Variants in KIAA2012 observed in about 807,000 individuals in gnomAD.
KIAA2012 encodes the protein KIAA2012.
Under a neutral mutation model 150.6 loss-of-function variants are expected in KIAA2012, and 125 were observed. The observed-to-expected ratio is 0.83, with a 90% CI of 0.72 to 0.96. The LOEUF is 0.96. Among genes scored for constraint, KIAA2012 ranks in the 40% least tolerant of loss-of-function variants. The probability of loss-of-function intolerance (pLI) is 0.00; values close to 1 mark genes in which losing one functional copy is unlikely to be tolerated. For synonymous variants in KIAA2012, 462 were observed against 504.7 expected (o/e 0.92, Z 1.13); for missense variants, 1,219 against 1,354.9 (o/e 0.90, Z 1.57).
intron 6 of KIAA2012, 145 bp downstream of exon 6, chr2:202,099,941 T>C: frequency 1.3e-6 from 1 of 775,876 alleles, no homozygotes; most frequent in Non-Finnish European, 2.0e-6. Flanking sequence ...GACGTGGGAA[T>C]GAGACTCTGG....
intron 12 of KIAA2012, among the ~76,000 whole-genome samples, chr2:202,131,221 C>G (rs904281544): frequency 6.6e-6 from 1 of 152,170 alleles, no homozygotes; most frequent in Non-Finnish European, 1.5e-5. Flanking sequence ...CTCACTGCAA[C>G]CTCTGTCTCC....
intron 12 of KIAA2012, among the ~76,000 whole-genome samples, chr2:202,131,726 C>G (rs1016789135): frequency 2.0e-5 from 3 of 152,192 alleles, no homozygotes; most frequent in African/African-American, 7.2e-5. Context: ...AAAGGATGCT[C>G]TAGGAGAAAG....
At chr2:202,158,781 G>A (rs1228997406) in intron 14 of KIAA2012, among the ~76,000 whole-genome samples, 1 of 152,146 alleles carries the variant, frequency 6.6e-6, no homozygotes, top group African/African-American at 2.4e-5. Flanking sequence ...AAGGATAGAG[G>A]TTTTTTTCAG....
chr2:202,166,468 C>T (rs1691765823), intron 15 of KIAA2012, among the ~76,000 whole-genome samples: 1 of 152,032 alleles, frequency 6.6e-6, no homozygotes, highest in Non-Finnish European at 1.5e-5. Flanking sequence ...GACTAGGCAA[C>T]ACAACAAGAT....
At chr2:202,123,308 T>C (rs1690700733) in intron 11 of KIAA2012, among the ~76,000 whole-genome samples, 2 of 152,212 alleles carry the variant, frequency 1.3e-5, no homozygotes, top group African/African-American at 4.8e-5. Context: ...ACTCAATTCT[T>C]TGAGGGAAAA....
At chr2:202,157,237 C>A (rs901711065) in intron 14 of KIAA2012, among the ~76,000 whole-genome samples, 1 of 152,200 alleles carries the variant, frequency 6.6e-6, no homozygotes, top group African/African-American at 2.4e-5. Context: ...GATGTGGTAG[C>A]TCCCAGATTC....
rs763378923 is a variant in KIAA2012, at chr2:202,090,875, C to T, written c.475C>T (p.Arg159Ter). ...AGGGCATTCAGCCAAGAGATACCTC[C>T]GAGGCCTCCTGCGGACTTGGCCCCC... is the stretch of plus-strand genomic sequence containing the variant. ...QPGHSAKRYL[R>*]GLLRTWPPDA... Residue 159 changes from arginine to a stop codon, truncating the protein, a stop_gained, in exon 3 of 24, where the codon CGA (arginine) becomes TGA (stop). Transcript: ENST00000498697. LOFTEE classifies it high-confidence loss of function. The T allele has an allele frequency of 6.4e-5, 100 of 1,550,422 alleles. No individual in the cohort carries two copies. In the Middle Eastern group the frequency reaches 1.3e-3, roughly 21 times the overall value.
Position 202,073,280 on chromosome 2 carries a change from G to A in KIAA2012, c.-348G>A, listed in dbSNP as rs544514962. ...AGACAAGAAGGATGGTGCTGTGGCC[G>A]AGATCTGTAGATGCACACGGCTGGT... On this transcript the variant is annotated 5_prime_UTR_variant, in exon 1 of 24. Transcript: ENST00000498697. 27 of 204,128 alleles carry A rather than the reference G, an allele frequency of 1.3e-4. No individual in the cohort carries two copies. The highest frequency in any genetic ancestry group is 2.2e-4 in the Non-Finnish European group (22 of 100,834). The allele number at this position is 204,128 out of a possible 1,614,324, so 12.6% of individuals were successfully genotyped here.
chr2:202,199,484 T>C (rs560047935), intron 22 of KIAA2012, among the ~76,000 whole-genome samples: 115 of 152,276 alleles, frequency 7.6e-4, no homozygotes, highest in Middle Eastern at 3.4e-3. Flanking sequence ...ATCTTCAAAA[T>C]AGTCTTTATT....
intron 15 of KIAA2012, among the ~76,000 whole-genome samples, chr2:202,173,364 C>A (rs1008555734): frequency 6.6e-6 from 1 of 152,076 alleles, no homozygotes; most frequent in Non-Finnish European, 1.5e-5. Flanking sequence ...GAGGCTGGGA[C>A]TTCGAGACCA....
chr2:202,180,555 T>C (rs972763407), intron 15 of KIAA2012, among the ~76,000 whole-genome samples: 7 of 152,222 alleles, frequency 4.6e-5, no homozygotes, highest in African/African-American at 1.7e-4. Flanking sequence ...CCAGATGCTG[T>C]GGTTCACACC....
intron 11 of KIAA2012, among the ~76,000 whole-genome samples, chr2:202,119,684 G>A (rs943101085): frequency 5.3e-5 from 8 of 152,034 alleles, no homozygotes; most frequent in African/African-American, 1.9e-4. Flanking sequence ...GACTATGCAG[G>A]GCCACTAGAG....
chr2:202,193,349 C>A lies in KIAA2012; in HGVS notation c.2860C>A (p.Arg954=), dbSNP rs921563544. 1 of 1,549,914 alleles carries A rather than the reference C, an allele frequency of 6.5e-7. No individual in the cohort carries two copies. The highest frequency in any genetic ancestry group is 1.2e-5 in the South Asian group (1 of 84,038). ...GGAGAAGGCTTCCTGGGACAGGCTT[C>A]GAGCAGAAAGAGCCGAGATGAGGTG... ...EQEKASWDRL[R]AERAEMRWLE... is the part of the protein sequence containing the mutation. The change falls in exon 20 of 24, where the codon CGA becomes AGA. Residue 954 remains arginine, a synonymous_variant. Coordinates refer to ENST00000498697, the MANE Select transcript of KIAA2012 (RefSeq NM_001277372.4).
In KIAA2012 at chr2:202,194,224, C is replaced by A. The variant is rs961543758; in HGVS notation, c.3049C>A (p.Arg1017=). The A allele has an allele frequency of 1.3e-6, 2 of 1,550,384 alleles. No homozygotes were observed. Among genetic ancestry groups the A allele is most frequent in the African/African-American group, 1.4e-5 (1 of 72,980 alleles). Residue 1017 remains arginine, a synonymous_variant, in exon 21 of 24, where the codon CGG becomes AGG. Coordinates refer to ENST00000498697, the MANE Select transcript of KIAA2012 (RefSeq NM_001277372.4). ...ACAGAGACTCCAAGAAGAACAGCAG[C>A]GGCAGGAGGAGGAGGAGAGAAAGCA... is the stretch of plus-strand genomic sequence containing the variant. ...RKQRLQEEQQ[R]QEEEERKQQL...
At chr2:202,134,289 G>A (rs760478903) in intron 12 of KIAA2012, among the ~76,000 whole-genome samples, 8 of 152,176 alleles carry the variant, frequency 5.3e-5, no homozygotes, top group Non-Finnish European at 1.0e-4. Flanking sequence ...GGCCCTGAAC[G>A]GATTTAAAGA....
intron 11 of KIAA2012, 46 bp from the exon 12 acceptor site, chr2:202,125,168 C>A: frequency 1.4e-6 from 2 of 1,459,050 alleles, no homozygotes; most frequent in African/African-American, 1.4e-5. Flanking sequence ...TAAATTTTTA[C>A]AAGACTTTTT....
At chr2:202,168,082 T>G (rs1691808115) in intron 15 of KIAA2012, among the ~76,000 whole-genome samples, 1 of 151,756 alleles carries the variant, frequency 6.6e-6, no homozygotes, top group African/African-American at 2.4e-5. Flanking sequence ...TCTCATGGGG[T>G]GGTTGTGACA....
At chr2:202,079,385 A>G (rs960077401) in intron 2 of KIAA2012, among the ~76,000 whole-genome samples, 2 of 152,184 alleles carry the variant, frequency 1.3e-5, no homozygotes, top group Non-Finnish European at 2.9e-5. Flanking sequence ...GGGTAGAGTA[A>G]TAGTGCTGCT....
intron 2 of KIAA2012, among the ~76,000 whole-genome samples, chr2:202,076,113 A>G (rs958410768): frequency 6.6e-6 from 1 of 152,266 alleles, no homozygotes; most frequent in African/African-American, 2.4e-5. Context: ...CAACTTAAAT[A>G]CCATCCCCTC....
Sources: allele counts gnomAD v4.1 joint callset (sites outside exome capture counted in the v4.1 genomes callset), GRCh38; gene constraint gnomAD v4.1.1; transcripts MANE v1.5; gene names NCBI Gene and HGNC (gene_info 2026-07-23, HGNC 2026-07-21).